The following BACE2 variants were observed in gnomAD, a reference collection of about 807,000 sequenced individuals.
BACE2 encodes 56 kDa aspartic-like protease.
Under a neutral mutation model 46.2 loss-of-function variants are expected in BACE2, and 17 were observed. The ratio of observed to expected loss-of-function variants is 0.37; its 90% CI spans 0.25 to 0.55. The LOEUF (loss-of-function observed/expected upper bound fraction) is 0.55. BACE2 is among the 20% of genes least tolerant of loss of function. The pLI is 0.82. For synonymous variants in BACE2, 277 were observed against 295.9 expected (o/e 0.94, Z 0.66); for missense variants, 595 against 698.1 (o/e 0.85, Z 1.66).
chr21:41,168,280 G>T lies in BACE2; in HGVS notation c.17G>T (p.Arg6Leu). The T allele has an allele frequency of 8.1e-7, 1 of 1,235,876 alleles. No individual in the cohort carries two copies. Among genetic ancestry groups the T allele is most frequent in the South Asian group, 3.1e-5 (1 of 32,694 alleles). The allele number at this position is 1,235,876 out of a possible 1,614,324, so 76.6% of individuals were successfully genotyped here. The change falls in exon 1 of 9, where the codon CGG (arginine) becomes CTG (leucine). Residue 6 changes from arginine to leucine, a missense_variant. By Grantham distance (102) the Arg-to-Leu change is moderately radical (BLOSUM62 -2). Coordinates refer to ENST00000330333, the MANE Select transcript of BACE2 (RefSeq NM_012105.5). The stretch of plus-strand genomic sequence containing the variant: ...GCCGTGGGCATGGGCGCACTGGCCC[G>T]GGCGCTGCTGCTGCCTCTGCTGGCC... The part of the protein sequence containing the change: MGALA[R>L]ALLLPLLAQW...
chr21:41,186,065 G>A (rs1273335550), intron 1 of BACE2: 1 of 152,356 alleles, frequency 6.6e-6, no homozygotes, highest in Non-Finnish European at 1.5e-5. Flanking sequence ...TGTGCTTCAA[G>A]GCACCTAAAC....
At chr21:41,215,608 T>C (rs959962282) in intron 1 of BACE2, among the ~76,000 whole-genome samples, 4 of 152,120 alleles carry the variant, frequency 2.6e-5, no homozygotes, top group East Asian at 1.9e-4. Flanking sequence ...TTAGTTGTGA[T>C]TGTGTTCTGG....
intron 3 of BACE2, 144 bp from the exon 4 acceptor site, chr21:41,241,675 A>C: frequency 3.3e-6 from 3 of 897,714 alleles, no homozygotes; most frequent in Non-Finnish European, 5.1e-6. Context: ...TCCTAGACCC[A>C]ATCACAAGCT....
chr21:41,211,282 G>A (rs1378949502), intron 1 of BACE2, among the ~76,000 whole-genome samples: 2 of 151,526 alleles, frequency 1.3e-5, no homozygotes, highest in Non-Finnish European at 2.9e-5. Context: ...GTAGGAGCCT[G>A]TACAGCAATA....
At chr21:41,201,603 T>G (rs1007449838) in intron 1 of BACE2, among the ~76,000 whole-genome samples, 1 of 152,190 alleles carries the variant, frequency 6.6e-6, no homozygotes, top group African/African-American at 2.4e-5. Flanking sequence ...GAGAGAAGGT[T>G]TAAGATGGAG....
intron 1 of BACE2, among the ~76,000 whole-genome samples, chr21:41,209,164 G>A (rs1406479648): frequency 6.6e-6 from 1 of 152,236 alleles, no homozygotes; most frequent in Non-Finnish European, 1.5e-5. Flanking sequence ...TCTGTGTCCA[G>A]ACTAGCAGCA....
At chr21:41,239,821 G>A (rs936836038) in intron 3 of BACE2, among the ~76,000 whole-genome samples, 1 of 152,290 alleles carries the variant, frequency 6.6e-6, no homozygotes, top group East Asian at 1.9e-4. Flanking sequence ...AATTGCAGAC[G>A]CATGAAAACT....
intron 1 of BACE2, among the ~76,000 whole-genome samples, chr21:41,200,626 T>C (rs1305672337): frequency 2.6e-5 from 4 of 152,148 alleles, no homozygotes; most frequent in African/African-American, 9.7e-5. Context: ...AATATGACTA[T>C]CTTTGGAGAT....
chr21:41,232,109 T>C (rs561990097), intron 2 of BACE2, among the ~76,000 whole-genome samples: 13 of 152,078 alleles, frequency 8.5e-5, no homozygotes, highest in African/African-American at 2.9e-4. Flanking sequence ...TTTAAATGAA[T>C]GTTAAATAGA....
At chr21:41,178,798 C>A (rs571438736) in intron 1 of BACE2, 3 of 223,364 alleles carry the variant, frequency 1.3e-5, no homozygotes, top group African/African-American at 6.8e-5. Context: ...ATGCAACAGT[C>A]AACTAGACAG....
At chr21:41,174,730 C>T (rs2123485708) in intron 1 of BACE2, among the ~76,000 whole-genome samples, 1 of 152,240 alleles carries the variant, frequency 6.6e-6, no homozygotes, top group South Asian at 2.1e-4. Flanking sequence ...TGAGTGAGGT[C>T]CCTCTCCAGG....
At chr21:41,229,936 T>G (rs1284028373) in intron 2 of BACE2, among the ~76,000 whole-genome samples, 1 of 152,238 alleles carries the variant, frequency 6.6e-6, no homozygotes, top group Non-Finnish European at 1.5e-5. Context: ...AAGGTTCTGA[T>G]CTGTTTCTTC....
chr21:41,275,052 AC>A (rs1403051177), intron 8 of BACE2, among the ~76,000 whole-genome samples: 1 of 152,164 alleles, frequency 6.6e-6, no homozygotes, highest in Non-Finnish European at 1.5e-5. Context: ...CTGCACTCTC[AC>A]CTGTGTAGTA....
chr21:41,171,947 T>C (rs1477010766), intron 1 of BACE2, among the ~76,000 whole-genome samples: 1 of 152,216 alleles, frequency 6.6e-6, no homozygotes, highest in Non-Finnish European at 1.5e-5. Context: ...TACACAATTA[T>C]TTGGAAGACT....
At chr21:41,177,260 C>T (rs922495846) in intron 1 of BACE2, 1 of 152,380 alleles carries the variant, frequency 6.6e-6, no homozygotes, top group African/African-American at 2.4e-5. Flanking sequence ...CCCAGTGCCT[C>T]ACAACTCACA....
chr21:41,241,661 G>C (rs1987291569), intron 3 of BACE2, 158 bp from the exon 4 acceptor site: 2 of 756,212 alleles, frequency 2.6e-6, no homozygotes, highest in Non-Finnish European at 4.2e-6. Context: ...GGGGCTTTCT[G>C]AATTCCTAGA....
At position 41,273,401 on chromosome 21, in the gene BACE2, T is replaced by G. The variant is rs191136466; in HGVS notation, c.1304-1970T>G. On this transcript the variant is annotated intron_variant, in intron 8 of 8. Coordinates refer to ENST00000330333, the MANE Select transcript of BACE2 (RefSeq NM_012105.5). ...ATCGGCAACCGTAAAAGACAGACAT[T>G]GCCAGAGCAGCCATTTCAGGGACCT... Among the ~76,000 whole-genome samples, 100 of 152,322 alleles carry G rather than the reference T, an allele frequency of 6.6e-4. 2 individuals carry two copies. The East Asian group carries it at 0.017, about 26-fold the overall frequency.
chr21:41,189,204 A>G (rs1336762331), intron 1 of BACE2, among the ~76,000 whole-genome samples: 1 of 151,858 alleles, frequency 6.6e-6, no homozygotes, highest in Non-Finnish European at 1.5e-5. Flanking sequence ...TAAAAAAAAA[A>G]AAAATGCTGG....
At position 41,191,871 on chromosome 21, in the gene BACE2, A is replaced by G. The variant is rs113769161; in HGVS notation, c.312+23296A>G. On this transcript the variant is annotated intron_variant, in intron 1 of 8. Coordinates refer to ENST00000330333, the MANE Select transcript of BACE2 (RefSeq NM_012105.5). ...CCGTTGGTGAGCACTCACATGGGAT[A>G]CAAATATCTTCACAATTTTTGACCA... 7.6e-3 allele frequency among the ~76,000 whole-genome samples: 1,156 copies of G among 152,340 alleles called. 11 individuals carry two copies. Among genetic ancestry groups the G allele is most frequent in the African/African-American group, 0.026 (1,089 of 41,566 alleles).
Sources: gnomAD v4.1 joint callset for allele counts (sites outside exome capture counted in the v4.1 genomes callset) on GRCh38, gnomAD v4.1.1 for gene constraint, MANE v1.5 for transcripts, NCBI Gene and HGNC (gene_info 2026-07-23, HGNC 2026-07-21) for gene names.